The following ZNF133 variants were observed in gnomAD, a reference collection of about 807,000 sequenced individuals.
The protein encoded by ZNF133 is zinc finger protein 133 (clone pHZ-13).
In ZNF133, 26 loss-of-function variants were observed where a neutral mutation model predicts 54.9. The observed-to-expected ratio is 0.47, with a 90% confidence interval of 0.35 to 0.66. The LOEUF (loss-of-function observed/expected upper bound fraction) is 0.66, where lower values mean the gene tolerates loss of function less well. Ranked by LOEUF, ZNF133 falls within the 30% of genes least tolerant of loss-of-function variation. The pLI, the probability that ZNF133 is intolerant of heterozygous loss-of-function variation, is 0.01. For missense variants in ZNF133, 653 were observed against 820.8 expected (o/e 0.80, Z 2.50); for synonymous variants, 298 against 320.3 (o/e 0.93, Z 0.74).
chr20:18,305,603 G>A lies in ZNF133; in HGVS notation c.-6-78G>A. ...TGATATCTCACCTGCCTCCCCCAGGGCAGCCTTATCCCTGCCCCTCACCCT... is the reference window on the plus strand; with the variant it reads ...TGATATCTCACCTGCCTCCCCCAGGACAGCCTTATCCCTGCCCCTCACCCT... On this transcript the variant is annotated intron_variant, in intron 4 of 6. Transcript: ENST00000425686. The surrounding 1 kb of genome is among the most constrained non-coding windows in gnomAD (Gnocchi z 4.7). The A allele has an allele frequency of 6.2e-7, 1 of 1,604,766 alleles. No individual in the cohort carries two copies. Among genetic ancestry groups the A allele is most frequent in the East Asian group, 2.2e-5 (1 of 44,784 alleles).
At position 18,295,836 on chromosome 20, in the gene ZNF133, A is replaced by C. The variant is rs146537999; in HGVS notation, c.-431-2149A>C. 1.7e-3 allele frequency among the ~76,000 whole-genome samples: 255 copies of C among 151,800 alleles called. 3 individuals are homozygous for C. The highest frequency in any genetic ancestry group is 6.1e-3 in the African/African-American group (252 of 41,382). ...TGCACCAAATCTGGCTATTTTTTAA[A>C]ATTTTTTTGTAGAGATGAGGTCTCA... On this transcript the variant is annotated intron_variant, in intron 1 of 6. Coordinates refer to ENST00000425686, the MANE Select transcript of ZNF133 (RefSeq NM_001352452.2).
rs908832350 is a variant in ZNF133, at chr20:18,298,002, T to C, written c.-414T>C. Reference sequence around the variant, plus strand: ...TTACCCAGATCTACCTTCTGAGATATCATCCTTCTTCAGGGAGATAAGGAA... The same window carrying C: ...TTACCCAGATCTACCTTCTGAGATACCATCCTTCTTCAGGGAGATAAGGAA... On this transcript the variant is annotated 5_prime_UTR_variant, in exon 2 of 7. Coordinates refer to ENST00000425686, the MANE Select transcript of ZNF133 (RefSeq NM_001352452.2). 28 of 1,528,264 alleles carry C rather than the reference T, an allele frequency of 1.8e-5. No individual in the cohort carries two copies. The African/African-American group carries it at 2.1e-4, about 11-fold the overall frequency. The allele number at this position is 1,528,264 out of a possible 1,614,324, so 94.7% of individuals were successfully genotyped here. A position where few individuals can be genotyped will look rare whatever the true frequency, so the allele number is the denominator to read the frequency against.
chr20:18,305,649 C>T lies in ZNF133; in HGVS notation c.-6-32C>T. Reference sequence around the variant, plus strand: ...ACCCTGCCATGGGCAAGGCTGGCTTCTGAGTGAGCAGGGCTCAGTTTTGTG... The same window carrying T: ...ACCCTGCCATGGGCAAGGCTGGCTTTTGAGTGAGCAGGGCTCAGTTTTGTG... On this transcript the variant is annotated intron_variant, in intron 4 of 6. Transcript: ENST00000425686. This position sits in a 1 kb window ranked among gnomAD's most constrained non-coding sequence, Gnocchi z 4.7. The T allele has an allele frequency of 6.2e-7, 1 of 1,613,958 alleles. No homozygotes were observed. The highest frequency in any genetic ancestry group is 2.2e-5 in the East Asian group (1 of 44,870).
At chr20:18,300,543 A>T (rs967254910) in intron 3 of ZNF133, among the ~76,000 whole-genome samples, 4 of 152,174 alleles carry the variant, frequency 2.6e-5, no homozygotes, top group Non-Finnish European at 5.9e-5. Flanking sequence ...TAGTGGATTT[A>T]AAAAAACATG....
chr20:18,308,848 A>G (rs2045247987), intron 6 of ZNF133, among the ~76,000 whole-genome samples: 1 of 152,236 alleles, frequency 6.6e-6, no homozygotes, highest in African/African-American at 2.4e-5. Flanking sequence ...GTTTTACTAC[A>G]GCAATAGGAA....
At chr20:18,310,226 A>G in intron 6 of ZNF133, 1 of 1,514,766 alleles carries the variant, frequency 6.6e-7, no homozygotes, top group African/African-American at 1.4e-5. Context: ...TGTACAATCC[A>G]AGGAGCAAGT....
rs116996509 is a variant in ZNF133, at chr20:18,299,539, A to G, written c.-178+1075A>G. Reference sequence around the variant, plus strand: ...AGATTGTTTGAAGAAATAATGGCTGACAACTTCCCAAGTTTGATGAAAGAC... The same window carrying G: ...AGATTGTTTGAAGAAATAATGGCTGGCAACTTCCCAAGTTTGATGAAAGAC... On this transcript the variant is annotated intron_variant, in intron 3 of 6. Transcript: ENST00000425686. Among the ~76,000 whole-genome samples, 425 of 152,330 alleles carry G rather than the reference A, an allele frequency of 2.8e-3. 1 individual carries two copies. Among genetic ancestry groups the G allele is most frequent in the South Asian group, 7.9e-3 (38 of 4,826 alleles).
rs1171235160 is a variant in ZNF133 at position 18,315,890 on chromosome 20, A to T, written c.1039A>T (p.Thr347Ser). The part of the protein sequence containing the change: ...QKSAVVRHQR[T>S]HLEEKTIVCS... ...GTCAGCTGTCGTGAGACACCAGAGG[A>T]CACACTTGGAGGAGAAGACCATCGT... Residue 347 changes from threonine to serine, a missense_variant, in exon 7 of 7, where the codon ACA becomes TCA. By Grantham distance (58) the Thr-to-Ser change is moderately conservative. This residue lies in a region of ZNF133 where 292 missense variants were observed against 431.6 expected (regional missense o/e 0.68). Transcript: ENST00000425686. The T allele has an allele frequency of 6.2e-7, 1 of 1,614,030 alleles. No individual in the cohort carries two copies. The highest frequency in any genetic ancestry group is 1.7e-5 in the Admixed American group (1 of 60,008).
In ZNF133 at chr20:18,304,585, T is replaced by C. The variant is rs546578117; in HGVS notation, c.-177-423T>C. ...GAAGTAAATTCTGAGTGCATGCTTC[T>C]ACATGGCTAAATCTCGAAGACATGC... is the stretch of plus-strand genomic sequence containing the variant. On this transcript the variant is annotated intron_variant, in intron 3 of 6. Coordinates refer to ENST00000425686, the MANE Select transcript of ZNF133 (RefSeq NM_001352452.2). Among the ~76,000 whole-genome samples, 4 of 152,352 alleles carry C rather than the reference T, an allele frequency of 2.6e-5. No homozygotes were observed. In the South Asian group the frequency reaches 8.3e-4, roughly 32 times the overall value.
intron 1 of ZNF133, among the ~76,000 whole-genome samples, chr20:18,294,847 C>G (rs368282631): frequency 2.6e-5 from 4 of 152,072 alleles, no homozygotes; most frequent in African/African-American, 7.2e-5. Context: ...TTTGTTATTG[C>G]GATGTTGGAG....
chr20:18,305,245 G>A lies in ZNF133; in HGVS notation c.-7+67G>A. ...GAAACTCAGGCACCATGATTCCAGGGCTTCACTACTCTCTGCTTGTGACCA... is the reference window on the plus strand; with the variant it reads ...GAAACTCAGGCACCATGATTCCAGGACTTCACTACTCTCTGCTTGTGACCA... On this transcript the variant is annotated intron_variant, in intron 4 of 6. Transcript: ENST00000425686. The surrounding 1 kb of genome is among the most constrained non-coding windows in gnomAD (Gnocchi z 4.7). 1.9e-5 allele frequency: 18 copies of A among 970,260 alleles called. No individual in the cohort carries two copies. Among genetic ancestry groups the A allele is most frequent in the Non-Finnish European group, 2.2e-5 (18 of 814,336 alleles). 60.1% of individuals were successfully genotyped at this position (970,260 alleles called of 1,614,324 possible). A position where few individuals can be genotyped will look rare whatever the true frequency, so the allele number is the denominator to read the frequency against.
At chr20:18,296,650 G>C (rs2042288206) in intron 1 of ZNF133, among the ~76,000 whole-genome samples, 1 of 152,062 alleles carries the variant, frequency 6.6e-6, no homozygotes, top group South Asian at 2.1e-4. Flanking sequence ...GTATCACTTT[G>C]TTATTCATTC....
Position 18,315,359 on chromosome 20 carries a change from C to T in ZNF133, c.508C>T (p.Pro170Ser), listed in dbSNP as rs745476454. The T allele has an allele frequency of 6.2e-7, 1 of 1,614,148 alleles. No individual in the cohort carries two copies. Among genetic ancestry groups the T allele is most frequent in the Non-Finnish European group, 8.5e-7 (1 of 1,180,022 alleles). ...KRTLGAFSRP[P>S]QRQPVSSRNG... ...GACTCTGGGAGCGTTCTCCAGGCCA[C>T]CCCAGAGGCAGCCAGTCAGCTCTCG... The change falls in exon 7 of 7, where the codon CCC (proline) becomes TCC (serine). Residue 170 changes from proline (P) to serine (S), a missense_variant. Transcript: ENST00000425686.
chr20:18,300,763 A>G (rs2043197019), intron 3 of ZNF133, among the ~76,000 whole-genome samples: 1 of 152,130 alleles, frequency 6.6e-6, no homozygotes, highest in Non-Finnish European at 1.5e-5. Context: ...GCAAGAAGAT[A>G]TAGAAATTAT....
In ZNF133 at chr20:18,315,964, C is replaced by T. The variant is rs1268804717; in HGVS notation, c.1113C>T (p.Ser371=). The T allele has an allele frequency of 6.2e-7, 1 of 1,609,452 alleles. No homozygotes were observed. ...TCAGCGACAGGTCAAACCTCATCTC[C>T]CACCAGAGGACGCACTCTGGGGAGA... ...LGFSDRSNLI[S]HQRTHSGEKP... Residue 371 remains serine (S), a synonymous_variant, in exon 7 of 7, where the codon TCC becomes TCT. Transcript: ENST00000425686.
Position 18,316,957 on chromosome 20 carries a change from C to A in ZNF133, c.*141C>A. The A allele has an allele frequency of 9.0e-7, 1 of 1,108,392 alleles. No individual in the cohort carries two copies. Among genetic ancestry groups the A allele is most frequent in the Non-Finnish European group, 1.2e-6 (1 of 801,066 alleles). 68.7% of individuals were successfully genotyped at this position (1,108,392 alleles called of 1,614,324 possible). A position where few individuals can be genotyped will look rare whatever the true frequency, so the allele number is the denominator to read the frequency against. ...CTAAGTCTTCTCCATGTTTTGTGGC[C>A]TTCGGTTGTAATAAACTTGGCTTCT... On this transcript the variant is annotated 3_prime_UTR_variant, in exon 7 of 7. Coordinates refer to ENST00000425686, the MANE Select transcript of ZNF133 (RefSeq NM_001352452.2).
At chr20:18,298,229 A>C in intron 2 of ZNF133, 60 bp from the exon 3 acceptor site, 1 of 1,474,092 alleles carries the variant, frequency 6.8e-7, no homozygotes, top group Non-Finnish European at 9.0e-7. Context: ...TTATTCACCT[A>C]GTAAACTGAA....
At chr20:18,303,337 G>A (rs1003778661) in intron 3 of ZNF133, among the ~76,000 whole-genome samples, 7 of 152,020 alleles carry the variant, frequency 4.6e-5, no homozygotes, top group South Asian at 2.1e-4. Flanking sequence ...GTGAGCCACC[G>A]CACCTGGCCA....
intron 6 of ZNF133, chr20:18,310,032 C>T: frequency 5.8e-6 from 5 of 865,158 alleles, no homozygotes; most frequent in Non-Finnish European, 6.0e-6. Context: ...TACATTTACA[C>T]AAATATGTGT....
Sources: allele counts gnomAD v4.1 joint callset (sites outside exome capture counted in the v4.1 genomes callset), GRCh38; gene constraint gnomAD v4.1.1; regional missense constraint gnomAD v4.1.1; non-coding constraint Gnocchi (gnomAD v3.1); transcripts MANE v1.5; gene names NCBI Gene and HGNC (gene_info 2026-07-23, HGNC 2026-07-21).